The following RIMS2 variants were observed in gnomAD, a reference collection of about 807,000 sequenced individuals.
RIMS2 encodes the protein regulating synaptic membrane exocytosis 2, also known as regulating synaptic membrane exocytosis protein 2.
RIMS2 carries 59 observed loss-of-function variants against 174.4 expected under a neutral mutation model. The ratio of observed to expected loss-of-function variants is 0.34; its 90% CI spans 0.27 to 0.42. The LOEUF is 0.42. Among genes scored for constraint, RIMS2 ranks in the 10% least tolerant of loss-of-function variants. The pLI is 1.00. For missense variants in RIMS2, 1,620 were observed against 1,666.3 expected, an observed-to-expected ratio of 0.97 and a Z score of 0.48; for synonymous variants, 606 against 572.5, an observed-to-expected ratio of 1.06 and a Z score of -0.84.
At chr8:103,594,494 G>A (rs537081393) in intron 1 of RIMS2, among the ~76,000 whole-genome samples, 5 of 151,820 alleles carry the variant, frequency 3.3e-5, no homozygotes, top group African/African-American at 7.2e-5. Context: ...TTGATTGGTT[G>A]ATGAAAATGT....
chr8:104,008,802 A>G (rs1364500206), intron 17 of RIMS2, among the ~76,000 whole-genome samples: 1 of 152,010 alleles, frequency 6.6e-6, no homozygotes, highest in Non-Finnish European at 1.5e-5. Context: ...TATTGTTGTC[A>G]TCTTTGAATA....
At chr8:103,921,601 A>G (rs565180176) in intron 9 of RIMS2, 71 bp from the exon 13 acceptor site, 1 of 756,108 alleles carries the variant, frequency 1.3e-6, no homozygotes. Flanking sequence ...TTTAAAAGAT[A>G]TATGGCAAAA....
At chr8:103,579,675 T>C (rs1563862247) in intron 1 of RIMS2, among the ~76,000 whole-genome samples, 2 of 152,178 alleles carry the variant, frequency 1.3e-5, no homozygotes, top group South Asian at 2.1e-4. Context: ...ATAAGCTTCA[T>C]GGTAACCACA....
intron 19 of RIMS2, among the ~76,000 whole-genome samples, chr8:104,136,084 C>G (rs959803176): frequency 1.3e-5 from 2 of 152,156 alleles, no homozygotes; most frequent in African/African-American, 4.8e-5. Context: ...AGTTGGCTTA[C>G]CAGTAGAGAA....
chr8:103,809,720 G>GCC (rs2098674678), intron 3 of RIMS2, among the ~76,000 whole-genome samples: 1 of 152,144 alleles, frequency 6.6e-6, no homozygotes, highest in Non-Finnish European at 1.5e-5. Flanking sequence ...AACAAGTGGG[G>GCC]AGGCTCCATC....
chr8:103,604,111 C>T (rs1414921953), intron 1 of RIMS2, among the ~76,000 whole-genome samples: 1 of 148,782 alleles, frequency 6.7e-6, no homozygotes, highest in Non-Finnish European at 1.5e-5. Flanking sequence ...AGGTTTTCTT[C>T]TAGGGTTTTT....
At chr8:104,100,836 AAT>A (rs948295316) in intron 19 of RIMS2, among the ~76,000 whole-genome samples, 16 of 141,058 alleles carry the variant, frequency 1.1e-4, no homozygotes, top group African/African-American at 3.4e-4. Context: ...TGTAATATAT[AAT>A]ATATATGTAT....
intron 1 of RIMS2, among the ~76,000 whole-genome samples, chr8:103,540,097 A>G (rs1339335727): frequency 6.6e-6 from 1 of 152,206 alleles, no homozygotes; most frequent in Non-Finnish European, 1.5e-5. Flanking sequence ...TGTGCCACAG[A>G]CAACAGTACC....
At chr8:104,122,173 G>A (rs1351198639) in intron 19 of RIMS2, among the ~76,000 whole-genome samples, 2 of 152,042 alleles carry the variant, frequency 1.3e-5, no homozygotes, top group African/African-American at 4.8e-5. Context: ...GGAGAATGTG[G>A]ATTTAAATCC....
At chr8:103,680,470 G>A (rs185014065) in intron 1 of RIMS2, among the ~76,000 whole-genome samples, 3 of 152,116 alleles carry the variant, frequency 2.0e-5, no homozygotes, top group Non-Finnish European at 4.4e-5. Context: ...CTTAGGGGTA[G>A]GTAAGATTGT....
intron 16 of RIMS2, among the ~76,000 whole-genome samples, chr8:103,979,077 A>G (rs1473901433): frequency 1.3e-5 from 2 of 152,230 alleles, no homozygotes; most frequent in Non-Finnish European, 2.9e-5. Context: ...TAGTTTTTAA[A>G]TTCCTGGAAC....
chr8:104,245,853 A>G (rs1055585579), intron 20 of RIMS2, among the ~76,000 whole-genome samples: 1 of 152,242 alleles, frequency 6.6e-6, no homozygotes, highest in South Asian at 2.1e-4. Flanking sequence ...GTCTAGCACA[A>G]CAACATAAAT....
Position 103,822,343 on chromosome 8 carries a change from C to T in RIMS2, c.698+55806C>T, listed in dbSNP as rs75002826. Among the ~76,000 whole-genome samples the T allele has an allele frequency of 3.4e-4, 51 of 151,844 alleles. 2 individuals are homozygous for T. The East Asian group carries it at 6.4e-3, about 19-fold the overall frequency. ...CAATAAAACATTAAATGATGAAAAT[C>T]TTCCATAACAACTGCTCCAGAAACA... On this transcript the variant is annotated intron_variant, in intron 3 of 23. Coordinates refer to ENST00000504942, the Ensembl canonical transcript of RIMS2.
chr8:103,777,903 T>C (rs1157190555), intron 3 of RIMS2, among the ~76,000 whole-genome samples: 1 of 151,956 alleles, frequency 6.6e-6, no homozygotes, highest in Non-Finnish European at 1.5e-5. Flanking sequence ...CAAAATTGGG[T>C]ATAAACTGGG....
At chr8:104,107,859 T>A (rs1294197729) in intron 19 of RIMS2, among the ~76,000 whole-genome samples, 1 of 152,122 alleles carries the variant, frequency 6.6e-6, no homozygotes, top group Non-Finnish European at 1.5e-5. Context: ...GCTCAGAAGT[T>A]CAAGCCTGCA....
At chr8:104,013,979 A>AT (rs941004529) in intron 18 of RIMS2, among the ~76,000 whole-genome samples, 1 of 152,152 alleles carries the variant, frequency 6.6e-6, no homozygotes, top group Admixed American at 6.5e-5. Flanking sequence ...ATAAAACTAG[A>AT]TTTTTTAAGT....
intron 19 of RIMS2, among the ~76,000 whole-genome samples, chr8:104,162,577 G>A (rs1329192328): frequency 6.6e-6 from 1 of 152,052 alleles, no homozygotes; most frequent in Non-Finnish European, 1.5e-5. Context: ...TGCTAACAGT[G>A]TATTTTTATA....
At chr8:104,047,512 A>T (rs912869613) in intron 19 of RIMS2, among the ~76,000 whole-genome samples, 17 of 152,148 alleles carry the variant, frequency 1.1e-4, no homozygotes, top group Non-Finnish European at 2.4e-4. Context: ...CTCATCTGTA[A>T]AATGGGAATA....
chr8:103,595,593 C>A (rs966334750), intron 1 of RIMS2, among the ~76,000 whole-genome samples: 8 of 151,826 alleles, frequency 5.3e-5, no homozygotes, highest in African/African-American at 1.9e-4. Flanking sequence ...AAGAGAGAGA[C>A]CTAAGCAGTC....
Sources: gnomAD v4.1 joint callset for allele counts (sites outside exome capture counted in the v4.1 genomes callset) on GRCh38, gnomAD v4.1.1 for gene constraint, MANE v1.5 for transcripts, NCBI Gene and HGNC (gene_info 2026-07-23, HGNC 2026-07-21) for gene names.